The following ARHGAP10 variants were observed in gnomAD, a reference collection of about 807,000 sequenced individuals.
ARHGAP10 encodes the protein Rho GTPase activating protein 10, also known as rho GTPase-activating protein 10.
Under a neutral mutation model 108.6 loss-of-function variants are expected in ARHGAP10, and 87 were observed. The ratio of observed to expected loss-of-function variants is 0.80; its 90% CI spans 0.67 to 0.96. The LOEUF is 0.96. ARHGAP10 is among the 40% of genes least tolerant of loss of function. The pLI, the probability that ARHGAP10 is intolerant of heterozygous loss-of-function variation, is 0.00. For synonymous variants in ARHGAP10, 347 were observed against 341.1 expected, an observed-to-expected ratio of 1.02 and a Z score of -0.19; for missense variants, 939 against 954.5, an observed-to-expected ratio of 0.98 and a Z score of 0.21.
At chr4:147,735,656 T>C (rs1578980857) in intron 1 of ARHGAP10, among the ~76,000 whole-genome samples, 1 of 152,164 alleles carries the variant, frequency 6.6e-6, no homozygotes, top group African/African-American at 2.4e-5. Context: ...AGCAAAGAGA[T>C]GGTTTAGAGA....
At chr4:147,886,230 G>T (rs1221887660) in intron 10 of ARHGAP10, among the ~76,000 whole-genome samples, 1 of 152,180 alleles carries the variant, frequency 6.6e-6, no homozygotes, top group East Asian at 1.9e-4. Context: ...CTCAACCGGT[G>T]CATTGCCAAT....
At chr4:147,926,687 CT>C (rs1242894950) in intron 13 of ARHGAP10, among the ~76,000 whole-genome samples, 1 of 152,018 alleles carries the variant, frequency 6.6e-6, no homozygotes, top group Non-Finnish European at 1.5e-5. Flanking sequence ...GTGAATGCTT[CT>C]ATTTTGATGA....
At chr4:147,875,610 G>A (rs1478213924) in intron 8 of ARHGAP10, among the ~76,000 whole-genome samples, 1 of 152,042 alleles carries the variant, frequency 6.6e-6, no homozygotes, top group Admixed American at 6.5e-5. Context: ...TCATCTTAAG[G>A]TCAAGAGGGA....
At chr4:147,823,708 G>A (rs1331381519) in intron 3 of ARHGAP10, among the ~76,000 whole-genome samples, 1 of 152,096 alleles carries the variant, frequency 6.6e-6, no homozygotes, top group East Asian at 1.9e-4. Context: ...AGTGAGCCGA[G>A]ATTGTGCCAC....
chr4:147,981,152 TA>T (rs1377050855), intron 18 of ARHGAP10, among the ~76,000 whole-genome samples: 1 of 152,208 alleles, frequency 6.6e-6, no homozygotes, highest in Non-Finnish European at 1.5e-5. Flanking sequence ...GGTACAAGGT[TA>T]GGTTGTTAAT....
At chr4:147,732,710 T>C (rs1728269979) in intron 1 of ARHGAP10, among the ~76,000 whole-genome samples, 1 of 151,822 alleles carries the variant, frequency 6.6e-6, no homozygotes, top group Non-Finnish European at 1.5e-5. Context: ...GGGCCCCGCC[T>C]GGGCCCCGCC....
At chr4:147,886,132 C>T (rs72957767) in intron 10 of ARHGAP10, among the ~76,000 whole-genome samples, 8,072 of 152,230 alleles carry the variant, frequency 0.053, 710 homozygotes, top group African/African-American at 0.18. Flanking sequence ...TCCCAAGATA[C>T]CTCATTTCGT....
chr4:147,855,682 GTTTTTTTTTTT>G (rs566406361), intron 4 of ARHGAP10, among the ~76,000 whole-genome samples: 2 of 124,762 alleles, frequency 1.6e-5, no homozygotes, highest in South Asian at 2.6e-4. Flanking sequence ...TTGTCAGATG[GTTTTTTTTTTT>G]TTTTTTTTTT....
At chr4:147,778,846 TAAG>T (rs1286778662) in intron 1 of ARHGAP10, among the ~76,000 whole-genome samples, 1 of 152,164 alleles carries the variant, frequency 6.6e-6, no homozygotes, top group African/African-American at 2.4e-5. Flanking sequence ...GGCCAAAAAA[TAAG>T]AACACTTAGA....
intron 14 of ARHGAP10, among the ~76,000 whole-genome samples, chr4:147,945,385 C>T (rs1055087043): frequency 2.0e-5 from 3 of 152,008 alleles, no homozygotes; most frequent in Admixed American, 2.0e-4. Context: ...GCCCTATTAA[C>T]TGACTTACCA....
At chr4:147,927,153 A>G (rs1353335213) in intron 13 of ARHGAP10, among the ~76,000 whole-genome samples, 4 of 152,190 alleles carry the variant, frequency 2.6e-5, no homozygotes, top group African/African-American at 4.8e-5. Context: ...TGTTGGAGAG[A>G]TGAAGGAAAG....
intron 1 of ARHGAP10, among the ~76,000 whole-genome samples, chr4:147,788,984 T>A (rs1731006032): frequency 6.6e-6 from 1 of 152,238 alleles, no homozygotes; most frequent in Non-Finnish European, 1.5e-5. Flanking sequence ...ATCCGGTTCT[T>A]GCAGCAGCAG....
intron 18 of ARHGAP10, among the ~76,000 whole-genome samples, chr4:148,002,349 A>C (rs887281114): frequency 2.0e-5 from 3 of 152,176 alleles, no homozygotes; most frequent in Non-Finnish European, 4.4e-5. Flanking sequence ...ATCAATGTTC[A>C]TCAGGGATAT....
intron 1 of ARHGAP10, among the ~76,000 whole-genome samples, chr4:147,760,429 C>T (rs1379633890): frequency 6.6e-6 from 1 of 152,180 alleles, no homozygotes; most frequent in Admixed American, 6.5e-5. Context: ...CCAGCAGCTC[C>T]CGTGAGTCCA....
At chr4:147,837,358 CT>C (rs1321856722) in intron 3 of ARHGAP10, among the ~76,000 whole-genome samples, 1 of 152,114 alleles carries the variant, frequency 6.6e-6, no homozygotes, top group African/African-American at 2.4e-5. Context: ...AATACTAATC[CT>C]TTATTAGTCT....
At chr4:147,825,369 C>T (rs1732666134) in intron 3 of ARHGAP10, among the ~76,000 whole-genome samples, 1 of 151,996 alleles carries the variant, frequency 6.6e-6, no homozygotes, top group African/African-American at 2.4e-5. Flanking sequence ...ATCAGTTGAG[C>T]CCGGGAGGCG....
intron 22 of ARHGAP10, among the ~76,000 whole-genome samples, chr4:148,067,881 C>G (rs1487880301): frequency 6.6e-6 from 1 of 152,102 alleles, no homozygotes; most frequent in Admixed American, 6.6e-5. Context: ...ACTGGGTGGG[C>G]CTGGACTTAA....
At chr4:147,915,652 T>G (rs998629592) in intron 13 of ARHGAP10, among the ~76,000 whole-genome samples, 2 of 152,232 alleles carry the variant, frequency 1.3e-5, no homozygotes, top group African/African-American at 4.8e-5. Context: ...ACATTTTATG[T>G]TAGCTTTTCT....
At chr4:147,955,061 G>T (rs1368039284) in intron 15 of ARHGAP10, among the ~76,000 whole-genome samples, 2 of 152,036 alleles carry the variant, frequency 1.3e-5, no homozygotes, top group Non-Finnish European at 2.9e-5. Flanking sequence ...TACTTTCCGT[G>T]ATTAGATATG....
Sources: allele counts gnomAD v4.1 joint callset (sites outside exome capture counted in the v4.1 genomes callset), GRCh38; gene constraint gnomAD v4.1.1; transcripts MANE v1.5; gene names NCBI Gene and HGNC (gene_info 2026-07-23, HGNC 2026-07-21).